SEMA6D: variants seen among roughly 807,000 people sequenced by gnomAD.
SEMA6D encodes the protein semaphorin 6D, also known as semaphorin-6D.
In SEMA6D, 35 loss-of-function variants were observed where a neutral mutation model predicts 106.6. The observed-to-expected ratio is 0.33, with a 90% CI of 0.25 to 0.44. SEMA6D has a LOEUF of 0.44. Ranked by LOEUF, SEMA6D falls within the 20% of genes least tolerant of loss-of-function variation. The pLI is 1.00. For missense variants in SEMA6D, 1,185 were observed against 1,345.9 expected, an observed-to-expected ratio of 0.88 and a Z score of 1.87; for synonymous variants, 499 against 487.7, an observed-to-expected ratio of 1.02 and a Z score of -0.31.
chr15:47,356,117 T>C (rs953167635), intron 1 of SEMA6D, among the ~76,000 whole-genome samples: 19 of 152,238 alleles, frequency 1.2e-4, no homozygotes, highest in Non-Finnish European at 2.5e-4. Flanking sequence ...TCTGTCTTAA[T>C]ATTATTTTCC....
At chr15:47,734,112 C>T (rs965812197) in intron 1 of SEMA6D, among the ~76,000 whole-genome samples, 12 of 152,148 alleles carry the variant, frequency 7.9e-5, no homozygotes, top group Non-Finnish European at 5.9e-5. Flanking sequence ...AATTTTAGAA[C>T]GTAAATGATG....
chr15:47,751,157 T>A (rs770034632), intron 1 of SEMA6D, among the ~76,000 whole-genome samples: 1 of 152,238 alleles, frequency 6.6e-6, no homozygotes, highest in African/African-American at 2.4e-5. Flanking sequence ...GCTTGTGGTG[T>A]CAGCCAAGCT....
intron 1 of SEMA6D, among the ~76,000 whole-genome samples, chr15:47,250,755 A>G (rs1204104799): frequency 6.6e-6 from 1 of 152,234 alleles, no homozygotes; most frequent in Non-Finnish European, 1.5e-5. Flanking sequence ...TGAGGACCAG[A>G]GGGGACAAAG....
At chr15:47,403,725 A>G (rs922665911) in intron 1 of SEMA6D, among the ~76,000 whole-genome samples, 2 of 152,158 alleles carry the variant, frequency 1.3e-5, no homozygotes, top group African/African-American at 4.8e-5. Flanking sequence ...CCTTCTAGTT[A>G]GAAGCAATAA....
intron 1 of SEMA6D, among the ~76,000 whole-genome samples, chr15:47,227,126 C>T (rs991362708): frequency 6.6e-6 from 1 of 152,016 alleles, no homozygotes; most frequent in African/African-American, 2.4e-5. Flanking sequence ...TGCTTGAACA[C>T]ATGATTATCA....
intron 1 of SEMA6D, among the ~76,000 whole-genome samples, chr15:47,728,884 TGGTTA>T (rs2079939602): frequency 6.6e-6 from 1 of 152,256 alleles, no homozygotes; most frequent in South Asian, 2.1e-4. Flanking sequence ...AGGACCCTTG[TGGTTA>T]GCTTCGGACC....
intron 4 of SEMA6D, among the ~76,000 whole-genome samples, chr15:47,707,122 C>T (rs8040348): frequency 0.3 from 45,878 of 152,038 alleles, 8,166 homozygotes; most frequent in Middle Eastern, 0.45. Flanking sequence ...TGAAATGATC[C>T]ACTCTCTTTT....
intron 2 of SEMA6D, among the ~76,000 whole-genome samples, chr15:47,430,846 A>G (rs994724914): frequency 2.0e-5 from 3 of 151,974 alleles, no homozygotes; most frequent in African/African-American, 7.2e-5. Context: ...CTCTTAGTTG[A>G]GGTGGGATGG....
chr15:47,460,948 G>A (rs2141032275), intron 2 of SEMA6D, among the ~76,000 whole-genome samples: 1 of 152,224 alleles, frequency 6.6e-6, no homozygotes, highest in African/African-American at 2.4e-5. Flanking sequence ...GGTCCTGTCT[G>A]TGGCTCACAA....
intron 1 of SEMA6D, among the ~76,000 whole-genome samples, chr15:47,209,284 A>G (rs1355244452): frequency 2.0e-5 from 3 of 152,204 alleles, no homozygotes; most frequent in Non-Finnish European, 4.4e-5. Flanking sequence ...CAACACGTGA[A>G]TGTACACTGA....
intron 3 of SEMA6D, among the ~76,000 whole-genome samples, chr15:47,542,074 T>C (rs2142230378): frequency 6.6e-6 from 1 of 152,286 alleles, no homozygotes. Flanking sequence ...GTCAGTGAAA[T>C]CCTGAAGACC....
intron 1 of SEMA6D, among the ~76,000 whole-genome samples, chr15:47,280,022 C>T (rs1322883066): frequency 6.6e-6 from 1 of 151,290 alleles, no homozygotes; most frequent in Non-Finnish European, 1.5e-5. Context: ...GCTTTGGTAT[C>T]AGGATGATGC....
At chr15:47,492,180 G>T (rs905324887) in intron 3 of SEMA6D, among the ~76,000 whole-genome samples, 1 of 152,142 alleles carries the variant, frequency 6.6e-6, no homozygotes, top group East Asian at 1.9e-4. Context: ...CAGTTCAAAT[G>T]CTGTGACATG....
chr15:47,644,228 C>A (rs1345841865), intron 4 of SEMA6D, among the ~76,000 whole-genome samples: 2 of 152,098 alleles, frequency 1.3e-5, no homozygotes, highest in Non-Finnish European at 2.9e-5. Flanking sequence ...AATCAGTGTC[C>A]TGCATATTGT....
chr15:47,239,919 T>C (rs1354055456), intron 1 of SEMA6D, among the ~76,000 whole-genome samples: 1 of 152,190 alleles, frequency 6.6e-6, no homozygotes, highest in East Asian at 1.9e-4. Flanking sequence ...CATCTGTAAA[T>C]GGGGTGGTAA....
chr15:47,656,512 T>C (rs2077797809), intron 4 of SEMA6D, among the ~76,000 whole-genome samples: 1 of 152,210 alleles, frequency 6.6e-6, no homozygotes, highest in South Asian at 2.1e-4. Context: ...TAAAAATAAG[T>C]TCAAATAGCA....
At chr15:47,261,148 G>T (rs2034057486) in intron 1 of SEMA6D, among the ~76,000 whole-genome samples, 1 of 152,050 alleles carries the variant, frequency 6.6e-6, no homozygotes, top group Non-Finnish European at 1.5e-5. Flanking sequence ...TTTTTAATTG[G>T]CTGTGTGGCT....
intron 3 of SEMA6D, among the ~76,000 whole-genome samples, chr15:47,584,235 C>A (rs1249594427): frequency 3.9e-5 from 6 of 152,096 alleles, no homozygotes; most frequent in African/African-American, 1.4e-4. Context: ...CCAGCCTGAC[C>A]AACATGGTGA....
At chr15:47,656,958 G>A (rs1285595995) in intron 4 of SEMA6D, among the ~76,000 whole-genome samples, 2 of 152,190 alleles carry the variant, frequency 1.3e-5, no homozygotes, top group Non-Finnish European at 2.9e-5. Flanking sequence ...ATACTATTAA[G>A]AGGCAGAGAA....
Sources: allele counts gnomAD v4.1 joint callset (sites outside exome capture counted in the v4.1 genomes callset), GRCh38; gene constraint gnomAD v4.1.1; transcripts MANE v1.5; gene names NCBI Gene and HGNC (gene_info 2026-07-23, HGNC 2026-07-21).